Variants in GFI1 observed in about 807,000 individuals in gnomAD.
The protein encoded by GFI1 is growth factor independent 1 transcriptional repressor.
GFI1 carries 15 observed loss-of-function variants against 39.2 expected under a neutral mutation model. That is an observed-to-expected ratio of 0.38 (90% confidence interval 0.26 to 0.59). The LOEUF is 0.59. Among genes scored for constraint, GFI1 ranks in the 20% least tolerant of loss-of-function variants. GFI1 has a pLI of 0.62. For missense variants in GFI1, 475 were observed against 574.0 expected (o/e 0.83, Z 1.76); for synonymous variants, 239 against 254.3 (o/e 0.94, Z 0.57).
Position 92,480,042 on chromosome 1 carries a change from A to G in GFI1, c.924+306T>C, listed in dbSNP as rs985768148. 1.3e-5 allele frequency among the ~76,000 whole-genome samples: 2 copies of G among 152,208 alleles called. No homozygotes were observed. Among genetic ancestry groups the G allele is most frequent in the African/African-American group, 4.8e-5 (2 of 41,462 alleles). On this transcript the variant is annotated intron_variant, in intron 5 of 6. Coordinates refer to ENST00000294702, the MANE Select transcript of GFI1 (RefSeq NM_005263.5). The surrounding 1 kb of genome is among the most constrained non-coding windows in gnomAD (Gnocchi z 5.6). ...AAGAAACAGAGCTAGTAAGTCTGAT[A>G]TATCAGCAGCACGAATCAGTGCATA...
At chr1:92,483,821 G>A (rs1658408729) in intron 1 of GFI1, 1 of 392,306 alleles carries the variant, frequency 2.5e-6, no homozygotes, top group Admixed American at 3.6e-5. Flanking sequence ...CTGTCCCGGG[G>A]CCCTGTCTCA....
rs528437159 is a variant in GFI1 at position 92,480,818 on chromosome 1, C to G, written c.569G>C (p.Gly190Ala). The change falls in exon 4 of 7, where the codon GGT (glycine) becomes GCT (alanine). Residue 190 changes from glycine to alanine, a missense_variant. Coordinates refer to ENST00000294702, the MANE Select transcript of GFI1 (RefSeq NM_005263.5). The surrounding 1 kb of genome is among the most constrained non-coding windows in gnomAD (Gnocchi z 5.6). ...CCCTAGGCCAGGGCCAGCGGTGGCA[C>G]CGGCCCCTGCGCTGCAGCTCCCTGG... is the stretch of plus-strand genomic sequence containing the variant. ...GAPGSCSAGA[G>A]ATAGPGLGLY... 2.3e-5 allele frequency: 36 copies of G among 1,569,198 alleles called. No individual in the cohort carries two copies. The highest frequency in any genetic ancestry group is 2.1e-4 in the Middle Eastern group (1 of 4,856).
In GFI1 at chr1:92,481,010, C is replaced by G; in HGVS notation, c.377G>C (p.Gly126Ala). 6.2e-7 allele frequency: 1 copy of G among 1,611,114 alleles called. No individual in the cohort carries two copies. The highest frequency in any genetic ancestry group is 8.5e-7 in the Non-Finnish European group (1 of 1,179,002). ...PLPFKPYSWS[G>A]LAGSDLRHLV... is the part of the protein sequence containing the mutation. Reference sequence around the variant, plus strand: ...GTGCCGCAGGTCAGAACCCGCCAGGCCGCTCCATGAGTACGGTTTGAAAGG... The same window carrying G: ...GTGCCGCAGGTCAGAACCCGCCAGGGCGCTCCATGAGTACGGTTTGAAAGG... The change falls in exon 4 of 7, where the codon GGC becomes GCC. Residue 126 changes from glycine to alanine, a missense_variant. By Grantham distance (60) the Gly-to-Ala change is moderately conservative. Transcript: ENST00000294702. This position sits in a 1 kb window ranked among gnomAD's most constrained non-coding sequence, Gnocchi z 4.3.
Position 92,480,879 on chromosome 1 carries a change from G to C in GFI1, c.508C>G (p.Pro170Ala). The C allele has an allele frequency of 6.6e-7, 1 of 1,518,188 alleles. No individual in the cohort carries two copies. Among genetic ancestry groups the C allele is most frequent in the Non-Finnish European group, 8.8e-7 (1 of 1,133,248 alleles). The allele number at this position is 1,518,188 out of a possible 1,614,324, so 94.0% of individuals were successfully genotyped here. A position where few individuals can be genotyped will look rare whatever the true frequency, so the allele number is the denominator to read the frequency against. ...CCCGCGCCGCCGGCAGCCCGCTTCG[G>C]GCCGTACAGCGCGGCCGGGTGGCCA... Reference protein sequence around the residue: ...EPGHPAALYGPKRAAGGAGAG... With the variant: ...EPGHPAALYGAKRAAGGAGAG... Residue 170 changes from proline (P) to alanine (A), a missense_variant, in exon 4 of 7, where the codon CCG (proline) becomes GCG (alanine). By Grantham distance (27) the Pro-to-Ala change is conservative. Coordinates refer to ENST00000294702, the MANE Select transcript of GFI1 (RefSeq NM_005263.5). The surrounding 1 kb of genome is among the most constrained non-coding windows in gnomAD (Gnocchi z 5.6).
At position 92,482,874 on chromosome 1, in the gene GFI1, G is replaced by C; in HGVS notation, c.288C>G (p.Ser96=). Residue 96 remains serine (S), a synonymous_variant, in exon 3 of 7, where the codon TCC becomes TCG. Coordinates refer to ENST00000294702, the MANE Select transcript of GFI1 (RefSeq NM_005263.5). The surrounding 1 kb of genome is among the most constrained non-coding windows in gnomAD (Gnocchi z 4.4). ...CCAGTGGGTTCCTACCTGGAGACGC[G>C]GAGGGTGACGGGGGCCTCCAGAAGT... is the stretch of plus-strand genomic sequence containing the variant. ...FEDFWRPPSP[S]ASPASEKSMC... The C allele has an allele frequency of 6.2e-7, 1 of 1,613,850 alleles. No individual in the cohort carries two copies.
rs370438369 is a variant in GFI1, at chr1:92,478,750, G to A, written c.928C>T (p.Arg310Trp). 14 of 1,439,532 alleles carry A rather than the reference G, an allele frequency of 9.7e-6. No individual in the cohort carries two copies. Among genetic ancestry groups the A allele is most frequent in the South Asian group, 4.7e-5 (4 of 85,700 alleles). The allele number at this position is 1,439,532 out of a possible 1,614,324, so 89.2% of individuals were successfully genotyped here. Residue 310 changes from arginine (R) to tryptophan (W), a missense_variant, in exon 6 of 7, where the codon CGG (arginine) becomes TGG (tryptophan). Coordinates refer to ENST00000294702, the MANE Select transcript of GFI1 (RefSeq NM_005263.5). ...CCACAGATCTTACAGTCAAAGCTCC[G>A]TTCCTGCAGAGAGAGAGAGAGAGAG... ...EQHKAVHSQE[R>W]SFDCKICGKS...
At chr1:92,485,228 C>T (rs568365275) in intron 1 of GFI1, among the ~76,000 whole-genome samples, 1 of 152,286 alleles carries the variant, frequency 6.6e-6, no homozygotes, top group South Asian at 2.1e-4. Flanking sequence ...CGGGGTGGCT[C>T]CTAGGGCTAG....
chr1:92,480,403 C>T lies in GFI1; in HGVS notation c.869G>A (p.Gly290Asp). Residue 290 changes from glycine to aspartate, a missense_variant, in exon 5 of 7, where the codon GGC (glycine) becomes GAC (aspartate). This residue lies in a region of GFI1 where 112 missense variants were observed against 202.8 expected (regional missense o/e 0.55). Coordinates refer to ENST00000294702, the MANE Select transcript of GFI1 (RefSeq NM_005263.5). This position sits in a 1 kb window ranked among gnomAD's most constrained non-coding sequence, Gnocchi z 5.6. ...GTRPFACEMCGKTFGHAVSLE... is the reference protein window; with the variant it reads ...GTRPFACEMCDKTFGHAVSLE... ...GCTCACCGCGTGCCCGAAGGTCTTG[C>T]CGCACATCTCGCAGGCAAAGGGTCT... 6.5e-7 allele frequency: 1 copy of T among 1,550,378 alleles called. No homozygotes were observed. The highest frequency in any genetic ancestry group is 8.7e-7 in the Non-Finnish European group (1 of 1,146,680).
At chr1:92,483,315 C>T in intron 2 of GFI1, 58 bp downstream of exon 2, 1 of 953,848 alleles carries the variant, frequency 1.0e-6, no homozygotes, top group Non-Finnish European at 1.7e-6. Context: ...TAATGGTGTG[C>T]CGAGGTGCAG....
intron 6 of GFI1, among the ~76,000 whole-genome samples, chr1:92,478,200 G>A (rs1340018353): frequency 6.6e-6 from 1 of 152,174 alleles, no homozygotes; most frequent in East Asian, 1.9e-4. Flanking sequence ...TCCCACAAAA[G>A]GCCAGGTGGT....
chr1:92,481,721 T>G lies in GFI1; in HGVS notation c.299-633A>C, dbSNP rs539642232. Among the ~76,000 whole-genome samples the G allele has an allele frequency of 7.2e-5, 11 of 152,332 alleles. No individual in the cohort carries two copies. The highest frequency in any genetic ancestry group is 2.6e-4 in the African/African-American group (11 of 41,564). On this transcript the variant is annotated intron_variant, in intron 3 of 6. Coordinates refer to ENST00000294702, the MANE Select transcript of GFI1 (RefSeq NM_005263.5). The surrounding 1 kb of genome is among the most constrained non-coding windows in gnomAD (Gnocchi z 4.3). The stretch of plus-strand genomic sequence containing the variant: ...AAAGGAGCAGCAGGAAAGGGGCTTT[T>G]GGGCTTAAATTGACAGCCAAATACT...
chr1:92,483,935 T>C lies in GFI1; in HGVS notation c.-99-349A>G, dbSNP rs1300942166. 2.1e-5 allele frequency: 6 copies of C among 289,740 alleles called. No homozygotes were observed. In the East Asian group the frequency reaches 5.3e-4, roughly 25 times the overall value. 17.9% of individuals were successfully genotyped at this position (289,740 alleles called of 1,614,324 possible). Reference sequence around the variant, plus strand: ...CTGGAGAGCTGTAGTTCCCATCGGGTGGGTTACCCCAACTCAGCTACTCAT... The same window carrying C: ...CTGGAGAGCTGTAGTTCCCATCGGGCGGGTTACCCCAACTCAGCTACTCAT... On this transcript the variant is annotated intron_variant, in intron 1 of 6. Transcript: ENST00000294702.
Position 92,481,035 on chromosome 1 carries a change from G to A in GFI1, c.352C>T (p.Pro118Ser). Residue 118 changes from proline to serine, a missense_variant, in exon 4 of 7, where the codon CCT (proline) becomes TCT (serine). By Grantham distance (74) the Pro-to-Ser change is moderately conservative (BLOSUM62 -1). This residue lies in a region of GFI1 where 275 missense variants were observed against 275.8 expected (regional missense o/e 1.00). Transcript: ENST00000294702. This position sits in a 1 kb window ranked among gnomAD's most constrained non-coding sequence, Gnocchi z 4.3. ...CCGCTCCATGAGTACGGTTTGAAAG[G>A]CAGGGGGAAGGGCTGGGCTTCGTCC... The part of the protein sequence containing the change: ...SLDEAQPFPL[P>S]FKPYSWSGLA... The A allele has an allele frequency of 6.2e-7, 1 of 1,612,088 alleles. No individual in the cohort carries two copies. The highest frequency in any genetic ancestry group is 1.7e-5 in the Admixed American group (1 of 59,950).
In GFI1 at chr1:92,475,941, G is replaced by A. The variant is rs1325439052; in HGVS notation, c.*88C>T. 5 of 1,268,166 alleles carry A rather than the reference G, an allele frequency of 3.9e-6. No homozygotes were observed. The highest frequency in any genetic ancestry group is 1.3e-5 in the South Asian group (1 of 79,856). The allele number at this position is 1,268,166 out of a possible 1,614,324, so 78.6% of individuals were successfully genotyped here. A position where few individuals can be genotyped will look rare whatever the true frequency, so the allele number is the denominator to read the frequency against. On this transcript the variant is annotated 3_prime_UTR_variant, in exon 7 of 7. Transcript: ENST00000294702. ...GGGGTCTGGAAAGTCAGAAGGGAGT[G>A]GAGGCAAGCAGGGAGCAGAGTGGTG...
At position 92,482,884 on chromosome 1, in the gene GFI1, G is replaced by C. The variant is rs780103307; in HGVS notation, c.278C>G (p.Pro93Arg). The C allele has an allele frequency of 6.2e-7, 1 of 1,613,780 alleles. No homozygotes were observed. Among genetic ancestry groups the C allele is most frequent in the Non-Finnish European group, 8.5e-7 (1 of 1,179,840 alleles). ...SSEFEDFWRP[P>R]SPSASPASEK... ...CCTACCTGGAGACGCGGAGGGTGAC[G>C]GGGGCCTCCAGAAGTCCTCAAACTC... Residue 93 changes from proline to arginine, a missense_variant, in exon 3 of 7, where the codon CCG (proline) becomes CGG (arginine). Transcript: ENST00000294702. This position sits in a 1 kb window ranked among gnomAD's most constrained non-coding sequence, Gnocchi z 4.4.
intron 5 of GFI1, among the ~76,000 whole-genome samples, chr1:92,479,571 G>A (rs966278880): frequency 6.6e-6 from 1 of 152,214 alleles, no homozygotes; most frequent in Admixed American, 6.5e-5. Context: ...AATAGCGGCG[G>A]TGGGGCATGG....
intron 5 of GFI1, among the ~76,000 whole-genome samples, chr1:92,479,869 G>T (rs1378829227): frequency 6.6e-6 from 1 of 151,936 alleles, no homozygotes; most frequent in East Asian, 1.9e-4. Flanking sequence ...AAAGAAAAAA[G>T]AAAAGAAAAG....
chr1:92,478,375 C>T (rs1405517714), intron 6 of GFI1, among the ~76,000 whole-genome samples: 1 of 152,194 alleles, frequency 6.6e-6, no homozygotes, highest in Non-Finnish European at 1.5e-5. Context: ...GCTGAGTGGC[C>T]TTTCAGACAC....
intron 1 of GFI1, among the ~76,000 whole-genome samples, chr1:92,486,389 G>T (rs1460318493): frequency 1.3e-5 from 2 of 152,150 alleles, no homozygotes; most frequent in Non-Finnish European, 1.5e-5. Flanking sequence ...GAAAGAAAAT[G>T]AACTATTCTT....
Sources: allele counts gnomAD v4.1 joint callset (sites outside exome capture counted in the v4.1 genomes callset), GRCh38; gene constraint gnomAD v4.1.1; regional missense constraint gnomAD v4.1.1; non-coding constraint Gnocchi (gnomAD v3.1); transcripts MANE v1.5; gene names NCBI Gene and HGNC (gene_info 2026-07-23, HGNC 2026-07-21).